ELL2: variants seen among roughly 807,000 people sequenced by gnomAD.
ELL2 encodes RNA polymerase II elongation factor ELL2.
In ELL2, 21 loss-of-function variants were observed where a neutral mutation model predicts 72.8. That is an observed-to-expected ratio of 0.29 (90% CI 0.20 to 0.42). The LOEUF is 0.42. ELL2 is among the 10% of genes least tolerant of loss of function. ELL2 has a pLI of 1.00. For missense variants in ELL2, 568 were observed against 772.8 expected, an observed-to-expected ratio of 0.73 and a Z score of 3.14; for synonymous variants, 266 against 283.2, an observed-to-expected ratio of 0.94 and a Z score of 0.61.
At chr5:95,923,782 G>A (rs1424135883) in intron 2 of ELL2, among the ~76,000 whole-genome samples, 1 of 152,186 alleles carries the variant, frequency 6.6e-6, no homozygotes, top group Non-Finnish European at 1.5e-5. Flanking sequence ...AGAGCAAGAT[G>A]TTTTCAGGCA....
At chr5:95,908,893 G>A (rs1329254140) in intron 4 of ELL2, among the ~76,000 whole-genome samples, 2 of 152,118 alleles carry the variant, frequency 1.3e-5, no homozygotes, top group East Asian at 1.9e-4. Flanking sequence ...CTGGGAAGGG[G>A]GATGGGCAGA....
chr5:95,953,300 C>T (rs371451817), intron 1 of ELL2, among the ~76,000 whole-genome samples: 56 of 152,202 alleles, frequency 3.7e-4, no homozygotes, highest in African/African-American at 1.1e-3. Context: ...AGTGAACAAA[C>T]GAATATTTGG....
chr5:95,940,494 T>A (rs1310756146), intron 2 of ELL2, among the ~76,000 whole-genome samples: 1 of 152,172 alleles, frequency 6.6e-6, no homozygotes, highest in East Asian at 1.9e-4. Flanking sequence ...CATGCAGTGC[T>A]TAGTGTGAGT....
chr5:95,960,116 T>C (rs2112366499), intron 1 of ELL2, among the ~76,000 whole-genome samples: 1 of 152,080 alleles, frequency 6.6e-6, no homozygotes, highest in Non-Finnish European at 1.5e-5. Flanking sequence ...GTCAATTCTT[T>C]TCCCCACTTT....
rs1393082133 is a variant in ELL2 at position 95,887,382 on chromosome 5, TATTC to T, written c.*1485_*1488del. On this transcript the variant is annotated 3_prime_UTR_variant, in exon 12 of 12. Coordinates refer to ENST00000237853, the MANE Select transcript of ELL2 (RefSeq NM_012081.6). ...GGTTTACAGTGATACACAACAAAGTTATTCATTTATTTTTCTGGATGCTGGAGAC... is the reference window on the plus strand; with the variant it reads ...GGTTTACAGTGATACACAACAAAGTTATTTATTTTTCTGGATGCTGGAGAC... The T allele has an allele frequency of 1.3e-5, 2 of 152,716 alleles. No homozygotes were observed. The highest frequency in any genetic ancestry group is 1.9e-4 in the East Asian group (1 of 5,192). The allele number at this position is 152,716 out of a possible 1,614,324, so 9.5% of individuals were successfully genotyped here.
At chr5:95,953,364 T>G (rs1456494050) in intron 1 of ELL2, among the ~76,000 whole-genome samples, 1 of 152,260 alleles carries the variant, frequency 6.6e-6, no homozygotes, top group African/African-American at 2.4e-5. Flanking sequence ...CTTAAGATAC[T>G]CAGCTGACTT....
At chr5:95,957,612 C>A (rs3777163) in intron 1 of ELL2, among the ~76,000 whole-genome samples, 1 of 151,934 alleles carries the variant, frequency 6.6e-6, no homozygotes, top group Non-Finnish European at 1.5e-5. Flanking sequence ...ACAACTTTTA[C>A]AAGATATTTA....
At chr5:95,894,464 C>T (rs575068642) in intron 9 of ELL2, among the ~76,000 whole-genome samples, 11 of 152,306 alleles carry the variant, frequency 7.2e-5, no homozygotes, top group Non-Finnish European at 1.6e-4. Context: ...AAGGAGAAGT[C>T]GTTTGCAGTT....
chr5:95,927,736 C>CACACACACATATGTGTGTATATAGACAT lies in ELL2; in HGVS notation c.196-8219_196-8192dup, dbSNP rs1561505266. On this transcript the variant is annotated intron_variant, in intron 2 of 11. Coordinates refer to ENST00000237853, the MANE Select transcript of ELL2 (RefSeq NM_012081.6). Reference sequence around the variant, plus strand: ...ACACATATGTGTGTATATAGACATACACACACACATATGTGTGTATATAGA... The same window carrying CACACACACATATGTGTGTATATAGACAT: ...ACACATATGTGTGTATATAGACATACACACACACATATGTGTGTATATAGACATACACACACATATGTGTGTATATAGA... 5.0e-4 allele frequency among the ~76,000 whole-genome samples: 26 copies of CACACACACATATGTGTGTATATAGACAT among 52,116 alleles called. 4 individuals carry two copies. The highest frequency in any genetic ancestry group is 7.2e-4 in the Non-Finnish European group (22 of 30,768). The allele number at this position is 52,116 out of a possible 152,430, so 34.2% of individuals were successfully genotyped here.
intron 2 of ELL2, among the ~76,000 whole-genome samples, chr5:95,929,857 A>C (rs904825880): frequency 2.0e-5 from 3 of 151,746 alleles, no homozygotes; most frequent in African/African-American, 7.3e-5. Flanking sequence ...TCAGGGTGAG[A>C]AAGTTTCTAA....
At chr5:95,895,744 A>C in intron 8 of ELL2, 53 bp from the exon 9 acceptor site, 2 of 1,325,118 alleles carry the variant, frequency 1.5e-6, no homozygotes, top group East Asian at 2.3e-5. Context: ...AAGGTTATCA[A>C]ATGCCTGTAA....
At chr5:95,913,664 A>G in intron 4 of ELL2, 107 bp downstream of exon 4, 1 of 1,250,606 alleles carries the variant, frequency 8.0e-7, no homozygotes, top group Non-Finnish European at 1.1e-6. Context: ...AATGTTCTGA[A>G]AACTAGTTTC....
intron 2 of ELL2, among the ~76,000 whole-genome samples, chr5:95,927,366 G>A (rs201450768): frequency 9.3e-6 from 1 of 107,954 alleles, no homozygotes; most frequent in African/African-American, 4.1e-5. Context: ...TGTATATATA[G>A]ACATACACAC....
intron 10 of ELL2, among the ~76,000 whole-genome samples, chr5:95,890,511 G>T (rs1748620748): frequency 6.6e-6 from 1 of 152,210 alleles, no homozygotes; most frequent in African/African-American, 2.4e-5. Context: ...CAGGAGACAG[G>T]TCAGGCAGGC....
At chr5:95,910,879 G>C (rs955204139) in intron 4 of ELL2, among the ~76,000 whole-genome samples, 1 of 152,186 alleles carries the variant, frequency 6.6e-6, no homozygotes, top group Non-Finnish European at 1.5e-5. Context: ...ATATCTTACT[G>C]TCTTAAGAAA....
chr5:95,922,813 T>C (rs1427640351), intron 2 of ELL2, among the ~76,000 whole-genome samples: 1 of 151,840 alleles, frequency 6.6e-6, no homozygotes, highest in Non-Finnish European at 1.5e-5. Flanking sequence ...AGAAACAAAG[T>C]TTTTAAAAAA....
intron 2 of ELL2, among the ~76,000 whole-genome samples, chr5:95,923,133 C>G (rs1750155916): frequency 6.6e-6 from 1 of 151,980 alleles, no homozygotes; most frequent in Non-Finnish European, 1.5e-5. Context: ...ACTTGTTATC[C>G]CAGCACTTTG....
chr5:95,957,030 T>C (rs1751651681), intron 1 of ELL2, among the ~76,000 whole-genome samples: 1 of 152,104 alleles, frequency 6.6e-6, no homozygotes, highest in Non-Finnish European at 1.5e-5. Flanking sequence ...AGAGCAGGAG[T>C]AGCCCCTGCC....
At chr5:95,934,155 G>T (rs1197498349) in intron 2 of ELL2, among the ~76,000 whole-genome samples, 1 of 152,058 alleles carries the variant, frequency 6.6e-6, no homozygotes, top group Non-Finnish European at 1.5e-5. Flanking sequence ...TCTAAGTATT[G>T]ATTAGTAGAG....
Sources: allele counts gnomAD v4.1 joint callset (sites outside exome capture counted in the v4.1 genomes callset), GRCh38; gene constraint gnomAD v4.1.1; transcripts MANE v1.5; gene names NCBI Gene and HGNC (gene_info 2026-07-23, HGNC 2026-07-21).